MRPS35: variants seen among roughly 807,000 people sequenced by gnomAD.
MRPS35 encodes mitochondrial ribosomal protein S35, also known as small ribosomal subunit protein mS35.
Under a neutral mutation model 32.7 loss-of-function variants are expected in MRPS35, and 29 were observed. That is an observed-to-expected ratio of 0.89 (90% CI 0.66 to 1.21). MRPS35 has a LOEUF of 1.21. Ranked by LOEUF, MRPS35 falls within the 50% of genes most tolerant of loss-of-function variation. The pLI, the probability that MRPS35 is intolerant of heterozygous loss-of-function variation, is 0.00. For synonymous variants in MRPS35, 148 were observed against 139.3 expected (o/e 1.06, Z -0.44); for missense variants, 373 against 383.8 (o/e 0.97, Z 0.23).
chr12:27,735,966 C>A (rs1461264362), intron 6 of MRPS35, among the ~76,000 whole-genome samples: 1 of 151,860 alleles, frequency 6.6e-6, no homozygotes, highest in African/African-American at 2.4e-5. Flanking sequence ...AAGGCACATT[C>A]GTAAATAATC....
At chr12:27,739,970 C>G (rs1209523464) in intron 7 of MRPS35, among the ~76,000 whole-genome samples, 1 of 152,162 alleles carries the variant, frequency 6.6e-6, no homozygotes, top group Non-Finnish European at 1.5e-5. Flanking sequence ...ATACAACTGT[C>G]CAAACAAGTA....
At chr12:27,717,248 A>G (rs2061854800) in intron 3 of MRPS35, among the ~76,000 whole-genome samples, 1 of 152,280 alleles carries the variant, frequency 6.6e-6, no homozygotes, top group South Asian at 2.1e-4. Flanking sequence ...CTAATTTGAG[A>G]TTAAGAATTG....
chr12:27,715,646 A>G (rs906245643), intron 2 of MRPS35, among the ~76,000 whole-genome samples: 1 of 152,212 alleles, frequency 6.6e-6, no homozygotes, highest in Non-Finnish European at 1.5e-5. Context: ...CAGGACTATT[A>G]CCTGCTTCTA....
intron 5 of MRPS35, among the ~76,000 whole-genome samples, chr12:27,729,393 A>G (rs2061912765): frequency 6.6e-6 from 1 of 152,114 alleles, no homozygotes; most frequent in Admixed American, 6.5e-5. Context: ...AAATAATGGT[A>G]GTTTTAATTC....
chr12:27,724,202 A>ATTT lies in MRPS35; in HGVS notation c.522+26_522+28dup. 3 of 1,219,304 alleles carry ATTT rather than the reference A, an allele frequency of 2.5e-6. No homozygotes were observed. Among genetic ancestry groups the ATTT allele is most frequent in the East Asian group, 3.0e-5 (1 of 33,884 alleles). The allele number at this position is 1,219,304 out of a possible 1,614,324, so 75.5% of individuals were successfully genotyped here. ...AGTCTTAAGAGTAAGAGTTTTTTTC[A>ATTT]TTTTTTTTTTTTAAATAAGAATCAT... On this transcript the variant is annotated intron_variant, in intron 5 of 7. Transcript: ENST00000081029.
At chr12:27,740,281 T>C (rs921453817) in intron 7 of MRPS35, among the ~76,000 whole-genome samples, 9 of 148,462 alleles carry the variant, frequency 6.1e-5, no homozygotes, top group Non-Finnish European at 1.2e-4. Flanking sequence ...TTTTTTTTTT[T>C]CTTCGAGTCA....
chr12:27,716,232 C>T, intron 2 of MRPS35, 59 bp from the exon 3 acceptor site: 1 of 1,398,290 alleles, frequency 7.2e-7, no homozygotes, highest in South Asian at 1.7e-5. Context: ...AATTAAAATT[C>T]TTTAAGAATT....
At chr12:27,722,820 A>G (rs1394407916) in intron 4 of MRPS35, among the ~76,000 whole-genome samples, 1 of 152,238 alleles carries the variant, frequency 6.6e-6, no homozygotes, top group East Asian at 1.9e-4. Context: ...GTTTAGTCCC[A>G]GATATCAGAG....
intron 5 of MRPS35, among the ~76,000 whole-genome samples, chr12:27,728,343 C>T (rs574654451): frequency 1.3e-5 from 2 of 152,088 alleles, no homozygotes; most frequent in South Asian, 2.1e-4. Flanking sequence ...ATAATAAATA[C>T]CCATACACAT....
At position 27,727,210 on chromosome 12, in the gene MRPS35, C is replaced by T. The variant is rs1020064112; in HGVS notation, c.522+3024C>T. On this transcript the variant is annotated intron_variant, in intron 5 of 7. Transcript: ENST00000081029. ...TCTCCTGACCTTGTGATCTGCCTGC[C>T]TCAGCCTCCCAAAATGCTGGGATTA... Among the ~76,000 whole-genome samples the T allele has an allele frequency of 3.9e-5, 6 of 152,070 alleles. 1 individual carries two copies. Among genetic ancestry groups the T allele is most frequent in the African/African-American group, 1.2e-4 (5 of 41,338 alleles).
intron 7 of MRPS35, among the ~76,000 whole-genome samples, chr12:27,740,323 A>G (rs1375526702): frequency 2.7e-5 from 4 of 148,034 alleles, no homozygotes; most frequent in African/African-American, 1.0e-4. Context: ...GCTGGAGTGC[A>G]GTGGTATGAT....
chr12:27,729,853 G>T (rs1407610706), intron 5 of MRPS35, among the ~76,000 whole-genome samples: 1 of 151,470 alleles, frequency 6.6e-6, no homozygotes, highest in Non-Finnish European at 1.5e-5. Context: ...ACTTCCAAGT[G>T]TCTGCCCTAG....
Position 27,721,006 on chromosome 12 carries a change from G to A in MRPS35, c.382+1138G>A, listed in dbSNP as rs545034956. On this transcript the variant is annotated intron_variant, in intron 4 of 7. Coordinates refer to ENST00000081029, the MANE Select transcript of MRPS35 (RefSeq NM_021821.4). ...TTAATATACTCATGCTGATTTAAAG[G>A]TGTTGTATATTACATGCTCAGTATA... Among the ~76,000 whole-genome samples the A allele has an allele frequency of 7.2e-5, 11 of 152,228 alleles. No homozygotes were observed. The South Asian group carries it at 1.9e-3, about 26-fold the overall frequency.
intron 5 of MRPS35, among the ~76,000 whole-genome samples, chr12:27,724,553 G>C (rs1455970669): frequency 1.3e-5 from 2 of 152,114 alleles, no homozygotes; most frequent in Admixed American, 6.5e-5. Context: ...GACCAGCCTG[G>C]CCAACATGGT....
At chr12:27,716,030 G>T (rs1483427819) in intron 2 of MRPS35, among the ~76,000 whole-genome samples, 1 of 152,126 alleles carries the variant, frequency 6.6e-6, no homozygotes, top group Non-Finnish European at 1.5e-5. Flanking sequence ...TCCAGTTAAA[G>T]AAATTTTTAG....
intron 1 of MRPS35, 73 bp from the exon 2 acceptor site, chr12:27,714,707 C>A: frequency 9.3e-7 from 1 of 1,075,006 alleles, no homozygotes; most frequent in Non-Finnish European, 1.4e-6. Flanking sequence ...ATAATGGGAT[C>A]ATGATTGATG....
chr12:27,716,918 G>T (rs1329614253), intron 3 of MRPS35, among the ~76,000 whole-genome samples: 1 of 152,128 alleles, frequency 6.6e-6, no homozygotes, highest in African/African-American at 2.4e-5. Flanking sequence ...TTGAACCCAG[G>T]AGGCGGAGGT....
chr12:27,725,631 C>A, intron 5 of MRPS35: 1 of 216,992 alleles, frequency 4.6e-6, no homozygotes. Flanking sequence ...CTTTCCTGTG[C>A]TCTCACCAAC....
chr12:27,715,446 C>G (rs2061845849), intron 2 of MRPS35, among the ~76,000 whole-genome samples: 1 of 152,206 alleles, frequency 6.6e-6, no homozygotes, highest in Non-Finnish European at 1.5e-5. Context: ...GCTGGGATTA[C>G]AGGCATGAGC....
Sources: gnomAD v4.1 joint callset for allele counts (sites outside exome capture counted in the v4.1 genomes callset) on GRCh38, gnomAD v4.1.1 for gene constraint, MANE v1.5 for transcripts, NCBI Gene and HGNC (gene_info 2026-07-23, HGNC 2026-07-21) for gene names.